TMEM131: variants seen among roughly 807,000 people sequenced by gnomAD.
The protein encoded by TMEM131 is 2610524E03Rik.
In TMEM131, 66 loss-of-function variants were observed where a neutral mutation model predicts 211.6. The ratio of observed to expected loss-of-function variants is 0.31; its 90% confidence interval spans 0.26 to 0.38. TMEM131 has a LOEUF of 0.38. Among genes scored for constraint, TMEM131 ranks in the 10% least tolerant of loss-of-function variants. The pLI, the probability that TMEM131 is intolerant of heterozygous loss-of-function variation, is 1.00. For missense variants in TMEM131, 2,036 were observed against 2,299.3 expected, an observed-to-expected ratio of 0.89 and a Z score of 2.34; for synonymous variants, 844 against 841.3, an observed-to-expected ratio of 1.00 and a Z score of -0.06.
chr2:97,915,714 C>G (rs1221039596), intron 2 of TMEM131, among the ~76,000 whole-genome samples: 1 of 152,098 alleles, frequency 6.6e-6, no homozygotes, highest in African/African-American at 2.4e-5. Flanking sequence ...TCTTTGGTGT[C>G]AAGAACTCTT....
chr2:97,797,265 A>C, intron 26 of TMEM131, 100 bp downstream of exon 26: 1 of 1,186,038 alleles, frequency 8.4e-7, no homozygotes, highest in East Asian at 2.4e-5. Context: ...AAGTGAATTC[A>C]AACTATTTCA....
Position 97,804,793 on chromosome 2 carries a change from G to C in TMEM131, c.2402+295C>G, listed in dbSNP as rs62154514. Among the ~76,000 whole-genome samples the C allele has an allele frequency of 8.0e-4, 122 of 152,212 alleles. No homozygotes were observed. The Middle Eastern group carries it at 0.014, about 17-fold the overall frequency. ...CTTTCTTTCCTATGCAAATGGATGA[G>C]TCTAAGGTGAATACTGTCGTCATCC... On this transcript the variant is annotated intron_variant, in intron 22 of 40. Coordinates refer to ENST00000186436, the MANE Select transcript of TMEM131 (RefSeq NM_015348.2).
At chr2:97,986,212 T>C (rs1342225153) in intron 1 of TMEM131, among the ~76,000 whole-genome samples, 1 of 152,172 alleles carries the variant, frequency 6.6e-6, no homozygotes, top group Non-Finnish European at 1.5e-5. Flanking sequence ...GGTAGACTGG[T>C]AAGAAAAGAG....
intron 38 of TMEM131, chr2:97,760,014 T>C (rs1573311518): frequency 4.9e-6 from 2 of 407,528 alleles, no homozygotes; most frequent in East Asian, 4.1e-5. Flanking sequence ...CATTTTTTCC[T>C]TCTGTTTGCT....
chr2:97,934,516 T>C (rs1677360772), intron 1 of TMEM131, among the ~76,000 whole-genome samples: 1 of 152,148 alleles, frequency 6.6e-6, no homozygotes, highest in South Asian at 2.1e-4. Flanking sequence ...GACAAGCTTA[T>C]ACAAAAAATT....
chr2:97,759,581 C>A lies in TMEM131; in HGVS notation c.5206+71G>T, dbSNP rs1678707182. 2.2e-6 allele frequency: 3 copies of A among 1,356,574 alleles called. No homozygotes were observed. The African/African-American group carries it at 4.3e-5, about 20-fold the overall frequency. The allele number at this position is 1,356,574 out of a possible 1,614,324, so 84.0% of individuals were successfully genotyped here. On this transcript the variant is annotated intron_variant, in intron 39 of 40. Transcript: ENST00000186436. ...CTGCTGTGCTGTGTTCTCCAGCACA[C>A]AAAACCACACCTCCTCTCCCTTCCT...
chr2:97,781,534 T>C (rs1680006623), intron 31 of TMEM131, among the ~76,000 whole-genome samples: 2 of 152,338 alleles, frequency 1.3e-5, no homozygotes, highest in South Asian at 2.1e-4. Flanking sequence ...TTTCAGTCTC[T>C]ACACTTAGTG....
At chr2:97,761,950 C>T (rs1470536279) in intron 36 of TMEM131, 85 bp downstream of exon 36, 6 of 1,399,506 alleles carry the variant, frequency 4.3e-6, no homozygotes, top group East Asian at 5.1e-5. Flanking sequence ...GGCCTGTGGC[C>T]GCTAAGTGTT....
At position 97,812,759 on chromosome 2, in the gene TMEM131, T is replaced by G. The variant is rs201764477; in HGVS notation, c.1618-10A>C. ...GGGGCAATACAAAGTACTGGAAAGA[T>G]ATAAAAGAACCAGATTAAAAAAAAG... On this transcript the variant is annotated splice_polypyrimidine_tract_variant and intron_variant, in intron 15 of 40. Transcript: ENST00000186436. 638 of 1,442,650 alleles carry G rather than the reference T, an allele frequency of 4.4e-4. No individual in the cohort carries two copies. Among genetic ancestry groups the G allele is most frequent in the Middle Eastern group, 3.3e-3 (16 of 4,882 alleles). The allele number at this position is 1,442,650 out of a possible 1,614,324, so 89.4% of individuals were successfully genotyped here.
intron 1 of TMEM131, among the ~76,000 whole-genome samples, chr2:97,954,020 A>C (rs1678447328): frequency 6.6e-6 from 1 of 152,210 alleles, no homozygotes. Flanking sequence ...AACAGTTCTG[A>C]CCGAAACACT....
intron 1 of TMEM131, among the ~76,000 whole-genome samples, chr2:97,983,306 T>C (rs1019817996): frequency 1.3e-5 from 2 of 152,158 alleles, no homozygotes; most frequent in African/African-American, 2.4e-5. Flanking sequence ...CTACAAGTGG[T>C]GCCTGAATTC....
chr2:97,837,050 A>C (rs915938412), intron 8 of TMEM131, 27 bp downstream of exon 8: 1 of 1,596,462 alleles, frequency 6.3e-7, no homozygotes, highest in Non-Finnish European at 8.6e-7. Flanking sequence ...GGGAGCACAC[A>C]CAAGAGAAAA....
chr2:97,994,047 C>G (rs1680378220), intron 1 of TMEM131, among the ~76,000 whole-genome samples: 1 of 152,204 alleles, frequency 6.6e-6, no homozygotes, highest in Non-Finnish European at 1.5e-5. Context: ...AACAGAAAAA[C>G]AAGGACACAA....
In TMEM131 at chr2:97,796,965, A is replaced by T; in HGVS notation, c.2892T>A (p.Asp964Glu). 1 of 1,613,788 alleles carries T rather than the reference A, an allele frequency of 6.2e-7. No individual in the cohort carries two copies. Residue 964 changes from aspartate (D) to glutamate (E), a missense_variant, in exon 27 of 41, where the codon GAT becomes GAA. By Grantham distance (45) the Asp-to-Glu change is conservative. Transcript: ENST00000186436. Reference protein sequence around the residue: ...IIVRNNLTVMDAVMVQGQGTT... With the variant: ...IIVRNNLTVMEAVMVQGQGTT... Reference sequence around the variant, plus strand: ...TTCCTTGTCCTTGGACCATCACAGCATCCATCACAGTCAGGTTATTTCTAT... The same window carrying T: ...TTCCTTGTCCTTGGACCATCACAGCTTCCATCACAGTCAGGTTATTTCTAT...
At chr2:97,760,464 C>T in intron 38 of TMEM131, 129 bp downstream of exon 38, 1 of 879,362 alleles carries the variant, frequency 1.1e-6, no homozygotes, top group Non-Finnish European at 1.8e-6. Context: ...AGGCACTTGA[C>T]CACTTCTGAC....
intron 11 of TMEM131, among the ~76,000 whole-genome samples, chr2:97,820,501 T>C (rs1682059046): frequency 6.6e-6 from 1 of 152,128 alleles, no homozygotes; most frequent in East Asian, 1.9e-4. Flanking sequence ...AAAAGGATGT[T>C]TAACTAGAGA....
chr2:97,765,951 C>A (rs1260782894), intron 35 of TMEM131, among the ~76,000 whole-genome samples, 163 bp downstream of exon 35: 2 of 151,908 alleles, frequency 1.3e-5, no homozygotes, highest in Admixed American at 1.3e-4. Flanking sequence ...TTTCAACCTA[C>A]GGCAGTTTAG....
Position 97,766,158 on chromosome 2 carries a change from G to C in TMEM131, c.4679C>G (p.Pro1560Arg). The change falls in exon 35 of 41, where the codon CCT (proline) becomes CGT (arginine). Residue 1560 changes from proline (P) to arginine (R), a missense_variant. Pro to Arg is a moderately radical substitution (Grantham distance 103). Around this residue, in one of 3 missense-constraint regions of TMEM131, gnomAD observed 1,623 missense variants for 1,805.9 expected, o/e 0.90. Transcript: ENST00000186436. Reference sequence around the variant, plus strand: ...TGGAACGGAATCCCACTCCGGTGGAGGAGAGTCTTTTTCACCCTCTGAGCT... The same window carrying C: ...TGGAACGGAATCCCACTCCGGTGGACGAGAGTCTTTTTCACCCTCTGAGCT... ...TSSSEGEKDS[P>R]PPEWDSVPVH... 6.2e-7 allele frequency: 1 copy of C among 1,614,042 alleles called. No individual in the cohort carries two copies. The highest frequency in any genetic ancestry group is 8.5e-7 in the Non-Finnish European group (1 of 1,179,892).
At chr2:97,911,939 G>A (rs1366726743) in intron 2 of TMEM131, among the ~76,000 whole-genome samples, 1 of 152,002 alleles carries the variant, frequency 6.6e-6, no homozygotes, top group Non-Finnish European at 1.5e-5. Context: ...CAAAACAAAA[G>A]CCAATATGAA....
Sources: gnomAD v4.1 joint callset for allele counts (sites outside exome capture counted in the v4.1 genomes callset) on GRCh38, gnomAD v4.1.1 for gene constraint, gnomAD v4.1.1 regional missense constraint, MANE v1.5 for transcripts, NCBI Gene and HGNC (gene_info 2026-07-23, HGNC 2026-07-21) for gene names.